NFATC2: variants seen among roughly 807,000 people sequenced by gnomAD.
NFATC2 encodes nuclear factor of activated T cells 2, also known as nuclear factor of activated T-cells, cytoplasmic 2.
A neutral mutation model predicts 87.3 loss-of-function variants in NFATC2; 22 were observed. The observed-to-expected ratio is 0.25, with a 90% CI of 0.18 to 0.36. The LOEUF is 0.36. Ranked by LOEUF, NFATC2 falls within the 10% of genes least tolerant of loss-of-function variation. The pLI is 1.00. For synonymous variants in NFATC2, 565 were observed against 542.2 expected (o/e 1.04, Z -0.58); for missense variants, 1,149 against 1,259.1 (o/e 0.91, Z 1.32).
intron 9 of NFATC2, among the ~76,000 whole-genome samples, chr20:51,425,997 T>G (rs930490906): frequency 2.6e-5 from 4 of 152,090 alleles, no homozygotes; most frequent in Non-Finnish European, 5.9e-5. Flanking sequence ...TGAGGTCCCC[T>G]GGAGGAAGCG....
At chr20:51,561,032 C>T (rs992101758) in intron 1 of NFATC2, among the ~76,000 whole-genome samples, 1 of 152,196 alleles carries the variant, frequency 6.6e-6, no homozygotes, top group South Asian at 2.1e-4. Context: ...ATCAAACACC[C>T]GGTTTCAGTA....
At chr20:51,557,207 T>A (rs894553252) in intron 1 of NFATC2, among the ~76,000 whole-genome samples, 1 of 152,152 alleles carries the variant, frequency 6.6e-6, no homozygotes. Flanking sequence ...GAGAATCCAA[T>A]GTGATAATAT....
intron 1 of NFATC2, among the ~76,000 whole-genome samples, chr20:51,540,845 C>T (rs1307354818): frequency 1.3e-5 from 2 of 151,896 alleles, no homozygotes; most frequent in Non-Finnish European, 1.5e-5. Flanking sequence ...AAGCTGATTA[C>T]CAATCTGGGA....
chr20:51,511,551 T>C (rs113066056), intron 3 of NFATC2, among the ~76,000 whole-genome samples: 1 of 152,210 alleles, frequency 6.6e-6, no homozygotes, highest in Non-Finnish European at 1.5e-5. Flanking sequence ...AAAGAGAACT[T>C]GCAATCTTCC....
rs548867946 is a variant in NFATC2, at chr20:51,562,312, C to A, written c.70+248G>T. ...CCCGACAGACTGGCCTAGGGAATCC[C>A]GGCCTGGGACACTTCCCTGCCCCCG... On this transcript the variant is annotated intron_variant, in intron 1 of 10. Coordinates refer to the NFATC2 transcript ENST00000414705. The surrounding 1 kb of genome is among the most constrained non-coding windows in gnomAD (Gnocchi z 5.8). Among the ~76,000 whole-genome samples the A allele has an allele frequency of 5.9e-5, 9 of 152,330 alleles. No individual in the cohort carries two copies. The East Asian group carries it at 9.7e-4, about 16-fold the overall frequency.
intron 6 of NFATC2, among the ~76,000 whole-genome samples, chr20:51,448,438 G>A (rs1312604920): frequency 6.6e-6 from 1 of 152,188 alleles, no homozygotes; most frequent in African/African-American, 2.4e-5. Context: ...TCAGGAGATT[G>A]AGACCATCCT....
chr20:51,508,661 C>T (rs2076224257), intron 3 of NFATC2, among the ~76,000 whole-genome samples: 1 of 152,086 alleles, frequency 6.6e-6, no homozygotes, highest in Admixed American at 6.5e-5. Context: ...AAGATGCTTT[C>T]CCTCTAAAAA....
intron 3 of NFATC2, among the ~76,000 whole-genome samples, chr20:51,508,278 G>A (rs893757778): frequency 6.6e-6 from 1 of 151,984 alleles, no homozygotes; most frequent in South Asian, 2.1e-4. Flanking sequence ...CTCTGCCTGC[G>A]CCAGCCCCGA....
At chr20:51,421,830 T>C (rs1320872722) in intron 9 of NFATC2, among the ~76,000 whole-genome samples, 1 of 152,160 alleles carries the variant, frequency 6.6e-6, no homozygotes, top group Non-Finnish European at 1.5e-5. Context: ...GGAGCACCAG[T>C]TGGCCGCTCC....
chr20:51,410,544 A>G (rs79567462), intron 9 of NFATC2, among the ~76,000 whole-genome samples: 2,758 of 151,734 alleles, frequency 0.018, 97 homozygotes, highest in African/African-American at 0.064. Flanking sequence ...AAAGGAAAGG[A>G]AGAGAGGGAG....
upstream of NFATC2, among the ~76,000 whole-genome samples, chr20:51,544,422 C>A (rs1174134178): frequency 1.3e-5 from 2 of 152,124 alleles, no homozygotes; most frequent in Non-Finnish European, 2.9e-5. Context: ...TCCCCATGTG[C>A]CAGGAGGAAT....
At chr20:51,458,550 G>C (rs1473666230) in intron 5 of NFATC2, among the ~76,000 whole-genome samples, 1 of 151,282 alleles carries the variant, frequency 6.6e-6, no homozygotes, top group African/African-American at 2.4e-5. Flanking sequence ...TGTAATCCTA[G>C]CACTTTGGGA....
chr20:51,434,098 C>T (rs1175724289), intron 8 of NFATC2, among the ~76,000 whole-genome samples: 1 of 152,184 alleles, frequency 6.6e-6, no homozygotes, highest in African/African-American at 2.4e-5. Flanking sequence ...TGACCTGAAC[C>T]CTGCCCTGAT....
intron 1 of NFATC2, among the ~76,000 whole-genome samples, chr20:51,536,626 A>G (rs755479427): frequency 1.4e-4 from 21 of 152,170 alleles, no homozygotes; most frequent in Non-Finnish European, 3.1e-4. Flanking sequence ...CCACCAAAAG[A>G]ACACAGGGGC....
At chr20:51,542,241 G>A in intron 1 of NFATC2, 129 bp downstream of exon 1, 1 of 1,212,342 alleles carries the variant, frequency 8.2e-7, no homozygotes, top group Non-Finnish European at 1.1e-6. Flanking sequence ...TGGCACCTGG[G>A]TAGGGGCACC....
At chr20:51,431,037 G>T (rs1043499030) in intron 9 of NFATC2, among the ~76,000 whole-genome samples, 1 of 152,086 alleles carries the variant, frequency 6.6e-6, no homozygotes, top group East Asian at 1.9e-4. Context: ...AGTGTCATGG[G>T]CTTTGCAACT....
rs182319069 is a variant in NFATC2, at chr20:51,525,430, G to A, written c.131-1320C>T. Among the ~76,000 whole-genome samples the A allele has an allele frequency of 3.5e-3, 536 of 152,122 alleles. 12 individuals carry two copies. Among genetic ancestry groups the A allele is most frequent in the Admixed American group, 0.032 (493 of 15,274 alleles). On this transcript the variant is annotated intron_variant, in intron 1 of 10. Transcript: ENST00000371564. ...CACACTGTCATTTAATTCTCAGCCT[G>A]ACCCTCTTCTAGCAGACACCCTGCC...
chr20:51,540,530 G>T (rs1477145191), intron 1 of NFATC2, among the ~76,000 whole-genome samples: 1 of 152,018 alleles, frequency 6.6e-6, no homozygotes, highest in African/African-American at 2.4e-5. Flanking sequence ...TACAATAAAT[G>T]CACCATACTA....
intron 10 of NFATC2, among the ~76,000 whole-genome samples, chr20:51,396,200 T>C (rs1221242326): frequency 1.3e-5 from 2 of 151,548 alleles, no homozygotes; most frequent in Non-Finnish European, 2.9e-5. Context: ...AAGCTAAAAC[T>C]GACTTCTGTT....
Sources: gnomAD v4.1 joint callset for allele counts (sites outside exome capture counted in the v4.1 genomes callset) on GRCh38, gnomAD v4.1.1 for gene constraint, Gnocchi (gnomAD v3.1) non-coding constraint, MANE v1.5 for transcripts, NCBI Gene and HGNC (gene_info 2026-07-23, HGNC 2026-07-21) for gene names.